Variants in NSRP1 observed in about 807,000 individuals in gnomAD.
The protein encoded by NSRP1 is coiled-coil domain containing 55.
In NSRP1, 24 loss-of-function variants were observed where a neutral mutation model predicts 54.7. The ratio of observed to expected loss-of-function variants is 0.44; its 90% CI spans 0.32 to 0.62. NSRP1 has a LOEUF of 0.62. Ranked by LOEUF, NSRP1 falls within the 20% of genes least tolerant of loss-of-function variation. The probability of loss-of-function intolerance (pLI) is 0.06; values close to 1 mark genes in which losing one functional copy is unlikely to be tolerated. For missense variants in NSRP1, 596 were observed against 651.2 expected (o/e 0.92, Z 0.92); for synonymous variants, 210 against 213.8 (o/e 0.98, Z 0.15).
intron 1 of NSRP1, 120 bp from the exon 2 acceptor site, chr17:30,117,960 G>T (rs745640987): frequency 1.1e-5 from 8 of 742,504 alleles, no homozygotes; most frequent in Non-Finnish European, 1.8e-5. Context: ...AGTCTGTTAC[G>T]TGTTCATAAA....
At chr17:30,148,919 A>G (rs1407565182) in intron 2 of NSRP1, among the ~76,000 whole-genome samples, 1 of 152,072 alleles carries the variant, frequency 6.6e-6, no homozygotes, top group African/African-American at 2.4e-5. Context: ...TGAAATAACT[A>G]GCCTTTGATT....
At position 30,116,840 on chromosome 17, in the gene NSRP1, C is replaced by T; in HGVS notation, c.-4C>T. On this transcript the variant is annotated 5_prime_UTR_variant, in exon 1 of 7. Transcript: ENST00000247026. ...CGGCCACGTTCAGCGGACACGGGAG[C>T]AAGATGGCGATTCCGGGCAGGCAGT... 1 of 1,574,970 alleles carries T rather than the reference C, an allele frequency of 6.3e-7. No homozygotes were observed.
chr17:30,181,632 ATGGAGTCTTGCTC>A (rs1905303016), intron 6 of NSRP1, among the ~76,000 whole-genome samples: 1 of 146,874 alleles, frequency 6.8e-6, no homozygotes, highest in Non-Finnish European at 1.5e-5. Context: ...TTTAGATGGA[ATGGAGTCTTGCTC>A]TGTCACCCAG....
chr17:30,135,765 C>T (rs543967759), intron 2 of NSRP1, among the ~76,000 whole-genome samples: 3 of 151,728 alleles, frequency 2.0e-5, no homozygotes, highest in South Asian at 4.2e-4. Context: ...CCACCATGCC[C>T]GGTGTTGGCA....
chr17:30,117,019 C>T (rs574150091), intron 1 of NSRP1, 156 bp downstream of exon 1: 21 of 962,606 alleles, frequency 2.2e-5, no homozygotes, highest in African/African-American at 2.1e-4. Flanking sequence ...CATAGATTCC[C>T]CTCCCCCGTA....
At chr17:30,143,151 A>G (rs1377280292) in intron 2 of NSRP1, among the ~76,000 whole-genome samples, 1 of 152,216 alleles carries the variant, frequency 6.6e-6, no homozygotes, top group Non-Finnish European at 1.5e-5. Flanking sequence ...ATTAAAAAGA[A>G]GTTTTTCCTT....
chr17:30,118,706 G>C (rs556891874), intron 2 of NSRP1, among the ~76,000 whole-genome samples: 3 of 150,020 alleles, frequency 2.0e-5, no homozygotes, highest in African/African-American at 7.3e-5. Flanking sequence ...GAAACCCACA[G>C]TTATATATCA....
In NSRP1 at chr17:30,185,183, A is replaced by G. The variant is rs1427250030; in HGVS notation, c.1186A>G (p.Arg396Gly). 1.3e-6 allele frequency: 2 copies of G among 1,573,934 alleles called. No individual in the cohort carries two copies. The highest frequency in any genetic ancestry group is 1.9e-5 in the Admixed American group (1 of 52,804). The part of the protein sequence containing the change: ...KYSQREQERD[R>G]QQNDQNRPSE... ...TTCCCAAAGAGAACAAGAAAGAGAT[A>G]GACAACAAAATGATCAGAACCGACC... is the stretch of plus-strand genomic sequence containing the variant. The change falls in exon 7 of 7, where the codon AGA becomes GGA. Residue 396 changes from arginine (R) to glycine (G), a missense_variant. Arg to Gly is a moderately radical substitution (Grantham distance 125). Transcript: ENST00000247026.
intron 2 of NSRP1, among the ~76,000 whole-genome samples, chr17:30,139,507 T>G (rs960019368): frequency 1.3e-5 from 2 of 152,190 alleles, no homozygotes; most frequent in African/African-American, 4.8e-5. Context: ...AGCCCTTATG[T>G]TTAGGTCTTT....
intron 2 of NSRP1, among the ~76,000 whole-genome samples, chr17:30,147,656 G>T (rs2071869384): frequency 1.3e-5 from 2 of 150,998 alleles, no homozygotes; most frequent in African/African-American, 4.9e-5. Flanking sequence ...GTAGAGACGG[G>T]GTTTCACCAT....
intron 2 of NSRP1, among the ~76,000 whole-genome samples, chr17:30,138,012 T>A (rs1011588113): frequency 2.6e-5 from 4 of 152,188 alleles, no homozygotes; most frequent in Non-Finnish European, 5.9e-5. Flanking sequence ...ATAACTCCCC[T>A]TCCCCCAGTG....
intron 2 of NSRP1, among the ~76,000 whole-genome samples, chr17:30,170,132 A>C (rs1047811086): frequency 6.6e-6 from 1 of 152,154 alleles, no homozygotes; most frequent in Non-Finnish European, 1.5e-5. Context: ...AAAAAGATGT[A>C]ATTCACATAG....
chr17:30,170,759 T>G (rs1377189357), intron 2 of NSRP1, among the ~76,000 whole-genome samples: 2 of 152,356 alleles, frequency 1.3e-5, no homozygotes, highest in African/African-American at 4.8e-5. Context: ...AAGCTACCTT[T>G]ACCAGGTGGT....
rs368922229 is a variant in NSRP1, at chr17:30,117,256, TG to T, written c.20+395del. ...CTTCCTTAGAGGGCCTTGTTCTCCTTGGCAGAAGCTCAAGTCCTGATTCCCG... is the reference window on the plus strand; with the variant it reads ...CTTCCTTAGAGGGCCTTGTTCTCCTTGCAGAAGCTCAAGTCCTGATTCCCG... On this transcript the variant is annotated intron_variant, in intron 1 of 6. Transcript: ENST00000247026. 820 of 601,236 alleles carry T rather than the reference TG, an allele frequency of 1.4e-3. 1 individual carries two copies. Among genetic ancestry groups the T allele is most frequent in the Middle Eastern group, 6.7e-3 (15 of 2,232 alleles). The allele number at this position is 601,236 out of a possible 1,614,324, so 37.2% of individuals were successfully genotyped here. A position where few individuals can be genotyped will look rare whatever the true frequency, so the allele number is the denominator to read the frequency against.
chr17:30,166,197 G>C (rs1904726313), intron 2 of NSRP1, among the ~76,000 whole-genome samples: 1 of 152,096 alleles, frequency 6.6e-6, no homozygotes, highest in Non-Finnish European at 1.5e-5. Flanking sequence ...GCTAGCAAGA[G>C]AGAGAACAGT....
chr17:30,155,525 A>G (rs1474556537), intron 2 of NSRP1, among the ~76,000 whole-genome samples: 1 of 151,994 alleles, frequency 6.6e-6, no homozygotes, highest in Non-Finnish European at 1.5e-5. Context: ...AATATCTTTC[A>G]TATCACTATA....
At chr17:30,167,581 T>G (rs1597616027) in intron 2 of NSRP1, among the ~76,000 whole-genome samples, 1 of 151,918 alleles carries the variant, frequency 6.6e-6, no homozygotes, top group Non-Finnish European at 1.5e-5. Context: ...TGCACTCCAG[T>G]CTGGGCAACA....
intron 2 of NSRP1, 134 bp from the exon 3 acceptor site, chr17:30,172,408 C>A: frequency 1.8e-6 from 1 of 556,542 alleles, no homozygotes; most frequent in Non-Finnish European, 3.0e-6. Flanking sequence ...ATTTGGGGTG[C>A]TGAACCAGTA....
chr17:30,166,469 C>T (rs1233265808), intron 2 of NSRP1, among the ~76,000 whole-genome samples: 2 of 152,044 alleles, frequency 1.3e-5, no homozygotes, highest in Non-Finnish European at 2.9e-5. Flanking sequence ...GAAAACCAGA[C>T]TAAATTAAAA....
Sources: gnomAD v4.1 joint callset for allele counts (sites outside exome capture counted in the v4.1 genomes callset) on GRCh38, gnomAD v4.1.1 for gene constraint, MANE v1.5 for transcripts, NCBI Gene and HGNC (gene_info 2026-07-23, HGNC 2026-07-21) for gene names.